GRIA1: variants seen among roughly 807,000 people sequenced by gnomAD.
The protein encoded by GRIA1 is glutamate ionotropic receptor AMPA type subunit 1.
Under a neutral mutation model 99.2 loss-of-function variants are expected in GRIA1, and 31 were observed. That is an observed-to-expected ratio of 0.31 (90% CI 0.23 to 0.42). The LOEUF (loss-of-function observed/expected upper bound fraction) is 0.42, where lower values mean the gene tolerates loss of function less well. Among genes scored for constraint, GRIA1 ranks in the 10% least tolerant of loss-of-function variants. The pLI, the probability that GRIA1 is intolerant of heterozygous loss-of-function variation, is 1.00. For synonymous variants in GRIA1, 438 were observed against 432.4 expected (o/e 1.01, Z -0.16); for missense variants, 782 against 1,157.5 (o/e 0.68, Z 4.71).
At chr5:153,608,917 C>T (rs1765697441) in intron 2 of GRIA1, among the ~76,000 whole-genome samples, 1 of 152,128 alleles carries the variant, frequency 6.6e-6, no homozygotes, top group African/African-American at 2.4e-5. Context: ...CACTAGTACT[C>T]CATTATCAGG....
At chr5:153,595,581 C>T (rs1764357580) in intron 2 of GRIA1, among the ~76,000 whole-genome samples, 1 of 151,904 alleles carries the variant, frequency 6.6e-6, no homozygotes, top group Admixed American at 6.6e-5. Flanking sequence ...TATTTATTTA[C>T]ATATCCAGTC....
At chr5:153,607,146 C>T (rs371705738) in intron 2 of GRIA1, among the ~76,000 whole-genome samples, 4 of 150,164 alleles carry the variant, frequency 2.7e-5, no homozygotes, top group South Asian at 2.1e-4. Context: ...TAAATTGTGC[C>T]GCTATAAACA....
chr5:153,604,803 T>A (rs532285021), intron 2 of GRIA1, among the ~76,000 whole-genome samples: 1 of 152,272 alleles, frequency 6.6e-6, no homozygotes, highest in East Asian at 1.9e-4. Context: ...ACTGATAAAT[T>A]GAACTGTATT....
chr5:153,728,183 T>G (rs183872415), intron 11 of GRIA1, among the ~76,000 whole-genome samples: 2,710 of 152,260 alleles, frequency 0.018, 36 homozygotes, highest in Non-Finnish European at 0.028. Context: ...TAGCCATATG[T>G]AGAAAGCTGA....
chr5:153,781,276 C>T (rs1046009058), intron 13 of GRIA1, among the ~76,000 whole-genome samples: 10 of 152,038 alleles, frequency 6.6e-5, no homozygotes, highest in South Asian at 4.2e-4. Flanking sequence ...TCAGAACAAA[C>T]GTCTAGTAAA....
chr5:153,666,752 A>G (rs1755773528), intron 5 of GRIA1, among the ~76,000 whole-genome samples: 1 of 152,172 alleles, frequency 6.6e-6, no homozygotes, highest in African/African-American at 2.4e-5. Flanking sequence ...ACACAAATAA[A>G]GTACTTAGCA....
At chr5:153,532,341 T>C (rs917802589) in intron 2 of GRIA1, among the ~76,000 whole-genome samples, 2 of 152,136 alleles carry the variant, frequency 1.3e-5, no homozygotes, top group Admixed American at 1.3e-4. Flanking sequence ...GTTTAAGCAT[T>C]CTCATAGACC....
intron 2 of GRIA1, among the ~76,000 whole-genome samples, chr5:153,545,344 T>G (rs1383028867): frequency 6.6e-6 from 1 of 152,084 alleles, no homozygotes; most frequent in East Asian, 1.9e-4. Flanking sequence ...TTGAGGGGTA[T>G]GTACAATGCA....
chr5:153,762,556 G>A (rs2091243572), intron 11 of GRIA1, among the ~76,000 whole-genome samples: 1 of 152,138 alleles, frequency 6.6e-6, no homozygotes, highest in Non-Finnish European at 1.5e-5. Flanking sequence ...ACTGCTTAAT[G>A]GAATTCGTAT....
intron 2 of GRIA1, among the ~76,000 whole-genome samples, chr5:153,585,271 C>T (rs1208697838): frequency 1.3e-5 from 2 of 150,572 alleles, no homozygotes; most frequent in African/African-American, 4.9e-5. Context: ...CTCTTCTCTC[C>T]CTTTATTTTT....
intron 13 of GRIA1, among the ~76,000 whole-genome samples, chr5:153,775,218 G>A (rs1260195022): frequency 6.6e-6 from 1 of 152,222 alleles, no homozygotes; most frequent in Non-Finnish European, 1.5e-5. Context: ...TCCTAAGTGA[G>A]GGGGCTTAGC....
chr5:153,745,690 T>C (rs1762111650), intron 11 of GRIA1, among the ~76,000 whole-genome samples: 1 of 140,402 alleles, frequency 7.1e-6, no homozygotes, highest in Non-Finnish European at 1.6e-5. Flanking sequence ...GAAAAAAAAA[T>C]AAAGCCCATA....
At chr5:153,672,246 T>C (rs538666812) in intron 5 of GRIA1, among the ~76,000 whole-genome samples, 81 of 152,284 alleles carry the variant, frequency 5.3e-4, no homozygotes, top group African/African-American at 1.8e-3. Context: ...CTGTCATTGA[T>C]TGAAAGCTGC....
intron 2 of GRIA1, among the ~76,000 whole-genome samples, chr5:153,517,657 G>C (rs985623339): frequency 3.3e-5 from 5 of 152,128 alleles, no homozygotes; most frequent in Non-Finnish European, 7.4e-5. Flanking sequence ...TAGTTCATCA[G>C]CAAGTCTGTC....
At chr5:153,566,901 G>T (rs1761690155) in intron 2 of GRIA1, among the ~76,000 whole-genome samples, 1 of 151,716 alleles carries the variant, frequency 6.6e-6, no homozygotes, top group Non-Finnish European at 1.5e-5. Flanking sequence ...ATTTTTGATA[G>T]AGACGGGGCT....
chr5:153,748,698 G>A (rs968511029), intron 11 of GRIA1, among the ~76,000 whole-genome samples: 11 of 152,282 alleles, frequency 7.2e-5, no homozygotes, highest in South Asian at 4.2e-4. Flanking sequence ...GGATGTGTGG[G>A]TGAGGGAAAG....
intron 2 of GRIA1, among the ~76,000 whole-genome samples, chr5:153,580,786 T>C (rs1762979577): frequency 6.6e-6 from 1 of 152,082 alleles, no homozygotes; most frequent in Admixed American, 6.6e-5. Flanking sequence ...AAGAGGAGCA[T>C]GGAGTGGGTG....
At chr5:153,554,781 A>T (rs1001007257) in intron 2 of GRIA1, among the ~76,000 whole-genome samples, 6 of 152,226 alleles carry the variant, frequency 3.9e-5, no homozygotes, top group African/African-American at 1.4e-4. Flanking sequence ...GGCATGAGCC[A>T]CTGCACCTGG....
At position 153,795,448 on chromosome 5, in the gene GRIA1, A is replaced by AT. The variant is rs766310912; in HGVS notation, c.2385+716dup. The AT allele has an allele frequency of 6.9e-5, 80 of 1,161,028 alleles. 1 individual carries two copies. Among genetic ancestry groups the AT allele is most frequent in the South Asian group, 9.9e-5 (8 of 80,424 alleles). The allele number at this position is 1,161,028 out of a possible 1,614,324, so 71.9% of individuals were successfully genotyped here. On this transcript the variant is annotated intron_variant, in intron 14 of 15. Transcript: ENST00000285900. Reference sequence around the variant, plus strand: ...AACATAAAATAACATTGGTAATGTTATTTATGTTATTTCCCCCCTGGTTGA... The same window carrying AT: ...AACATAAAATAACATTGGTAATGTTATTTTATGTTATTTCCCCCCTGGTTGA...
Sources: gnomAD v4.1 joint callset for allele counts (sites outside exome capture counted in the v4.1 genomes callset) on GRCh38, gnomAD v4.1.1 for gene constraint, MANE v1.5 for transcripts, NCBI Gene and HGNC (gene_info 2026-07-23, HGNC 2026-07-21) for gene names.